The following ZNG1A variants were observed in gnomAD, a reference collection of about 807,000 sequenced individuals.
ZNG1A encodes Zn regulated GTPase metalloprotein activator 1A.
the ZNG1A span, among the ~76,000 whole-genome samples, chr9:139,023 A>ACATGT: frequency 2.0e-5 from 3 of 149,648 alleles, no homozygotes; most frequent in Non-Finnish European, 2.9e-5. Context: ...ATACCCAGAG[A>ACATGT]CATGTCCATT....
At chr9:125,734 G>A in the ZNG1A span, among the ~76,000 whole-genome samples, 3 of 63,506 alleles carry the variant, frequency 4.7e-5, no homozygotes, top group Admixed American at 1.6e-4. Flanking sequence ...TACAGTGAGA[G>A]AGGAGGATCC....
the ZNG1A span, among the ~76,000 whole-genome samples, chr9:140,601 G>GAGCGCCTCTCCTCCTCCAAAGGTACGC: frequency 6.6e-6 from 1 of 151,002 alleles, no homozygotes; most frequent in Non-Finnish European, 1.5e-5. Flanking sequence ...CTAAAAAGCA[G>GAGCGCCTCTCCTCCTCCAAAGGTACGC]AGCGCCTCTC....
the ZNG1A span, among the ~76,000 whole-genome samples, chr9:156,078 T>G: frequency 6.6e-6 from 1 of 150,436 alleles, no homozygotes; most frequent in South Asian, 2.1e-4. Context: ...AGGCGGAGGT[T>G]GCAGTGAGCC....
the ZNG1A span, chr9:150,634 C>G: frequency 1.0e-6 from 1 of 982,710 alleles, no homozygotes; most frequent in Non-Finnish European, 1.2e-6. Context: ...CACTGGCAAG[C>G]ACCATACACT....
At chr9:176,476 G>C in the ZNG1A span, among the ~76,000 whole-genome samples, 1 of 150,770 alleles carries the variant, frequency 6.6e-6, no homozygotes, top group Non-Finnish European at 1.5e-5. Flanking sequence ...TTACATGTAG[G>C]CTATACATGT....
chr9:129,320 A>G, the ZNG1A span, among the ~76,000 whole-genome samples: 1 of 152,012 alleles, frequency 6.6e-6, no homozygotes, highest in Non-Finnish European at 1.5e-5. Flanking sequence ...TGATAAGAGA[A>G]GTACAAGCAG....
chr9:157,031 T>A, the ZNG1A span, among the ~76,000 whole-genome samples: 3 of 134,422 alleles, frequency 2.2e-5, no homozygotes, highest in Non-Finnish European at 3.1e-5. Context: ...CCCACAATCA[T>A]GCACCACGTG....
At chr9:175,981 TATAA>T in the ZNG1A span, among the ~76,000 whole-genome samples, 1 of 150,476 alleles carries the variant, frequency 6.6e-6, no homozygotes, top group East Asian at 1.9e-4. Context: ...CATAAAATTT[TATAA>T]ATATTTACAA....
chr9:133,822 T>A, the ZNG1A span, among the ~76,000 whole-genome samples: 1 of 151,792 alleles, frequency 6.6e-6, no homozygotes, highest in East Asian at 1.9e-4. Context: ...CAATACAGAT[T>A]TTATACGTAA....
At chr9:141,638 C>G in the ZNG1A span, among the ~76,000 whole-genome samples, 113,117 of 146,818 alleles carry the variant, frequency 0.77, 43,191 homozygotes, top group South Asian at 0.82. Context: ...ATCAACTAAC[C>G]AGCAAAATAA....
chr9:136,100 C>CA, the ZNG1A span, among the ~76,000 whole-genome samples: 811 of 57,958 alleles, frequency 0.014, 130 homozygotes, highest in South Asian at 0.025. Context: ...TCATACGCAG[C>CA]AAAAAAAAAA....
At chr9:177,759 T>C in the ZNG1A span, 2 of 1,539,034 alleles carry the variant, frequency 1.3e-6, no homozygotes, top group Non-Finnish European at 1.8e-6. Flanking sequence ...GCGGCACGTT[T>C]GAAATACATT....
chr9:123,887 T>C, the ZNG1A span: 3 of 157,184 alleles, frequency 1.9e-5, no homozygotes, highest in Non-Finnish European at 2.8e-5. Flanking sequence ...AAGATAACTA[T>C]TTCATTTTAT....
the ZNG1A span, among the ~76,000 whole-genome samples, chr9:145,750 A>G: frequency 2.0e-5 from 3 of 151,600 alleles, no homozygotes. Flanking sequence ...AAAATAAAAA[A>G]ATAAAGTGAA....
At chr9:174,238 T>C in the ZNG1A span, among the ~76,000 whole-genome samples, 1 of 151,956 alleles carries the variant, frequency 6.6e-6, no homozygotes, top group Non-Finnish European at 1.5e-5. Context: ...TTGAAATGCT[T>C]GTTATCTATA....
chr9:170,269 G>GCTGC, the ZNG1A span, among the ~76,000 whole-genome samples: 1 of 151,518 alleles, frequency 6.6e-6, no homozygotes, highest in African/African-American at 2.4e-5. Context: ...TGAGGCTGAG[G>GCTGC]CTGCCATTCA....
chr9:158,143 T>C, the ZNG1A span, among the ~76,000 whole-genome samples: 2 of 147,150 alleles, frequency 1.4e-5, no homozygotes, highest in African/African-American at 2.5e-5. Context: ...ACAAGTCCTA[T>C]TGTTATATAC....
chr9:170,059 G>C, the ZNG1A span, among the ~76,000 whole-genome samples: 1 of 146,948 alleles, frequency 6.8e-6, no homozygotes, highest in Admixed American at 6.7e-5. Flanking sequence ...AAAAAAATGT[G>C]TGTGACTCAC....
At chr9:139,474 T>C in the ZNG1A span, among the ~76,000 whole-genome samples, 6 of 151,132 alleles carry the variant, frequency 4.0e-5, no homozygotes, top group East Asian at 1.9e-4. Context: ...CAATACTGTA[T>C]TGTACACTTA....
Sources: allele counts gnomAD v4.1 joint callset (sites outside exome capture counted in the v4.1 genomes callset), GRCh38; gene constraint gnomAD v4.1.1; transcripts MANE v1.5; gene names NCBI Gene and HGNC (gene_info 2026-07-23, HGNC 2026-07-21).